COL8A1: variants seen among roughly 807,000 people sequenced by gnomAD.
The protein encoded by COL8A1 is collagen alpha-1(VIII) chain.
Under a neutral mutation model 42.7 loss-of-function variants are expected in COL8A1, and 21 were observed. That is an observed-to-expected ratio of 0.49 (90% confidence interval 0.35 to 0.71). COL8A1 has a LOEUF of 0.71. Ranked by LOEUF, COL8A1 falls within the 30% of genes least tolerant of loss-of-function variation. The pLI, the probability that COL8A1 is intolerant of heterozygous loss-of-function variation, is 0.01. For synonymous variants in COL8A1, 367 were observed against 369.1 expected, an observed-to-expected ratio of 0.99 and a Z score of 0.06; for missense variants, 788 against 962.4, an observed-to-expected ratio of 0.82 and a Z score of 2.40.
chr3:99,792,104 G>A (rs182397097), intron 3 of COL8A1, among the ~76,000 whole-genome samples: 264 of 152,232 alleles, frequency 1.7e-3, no homozygotes, highest in African/African-American at 6.1e-3. Flanking sequence ...TACACAATTC[G>A]CTGGTTAGAA....
intron 2 of COL8A1, among the ~76,000 whole-genome samples, chr3:99,765,554 G>A (rs941542864): frequency 1.3e-5 from 2 of 152,152 alleles, no homozygotes; most frequent in African/African-American, 4.8e-5. Context: ...AACATTTGCT[G>A]TACAAACCCT....
chr3:99,656,700 A>G (rs1270382347), intron 1 of COL8A1, among the ~76,000 whole-genome samples: 3 of 152,230 alleles, frequency 2.0e-5, no homozygotes, highest in Non-Finnish European at 4.4e-5. Context: ...AAAGAACACA[A>G]TAAAGAAACA....
At position 99,795,664 on chromosome 3, in the gene COL8A1, T is replaced by G; in HGVS notation, c.1763T>G (p.Met588Arg). The G allele has an allele frequency of 2.5e-6, 4 of 1,613,670 alleles. No individual in the cohort carries two copies. The highest frequency in any genetic ancestry group is 3.4e-6 in the Non-Finnish European group (4 of 1,179,902). Residue 588 changes from methionine to arginine, a missense_variant, in exon 4 of 4, where the codon ATG (methionine) becomes AGG (arginine). Met to Arg is a moderately conservative substitution (Grantham distance 91, BLOSUM62 -1). Around this residue, in one of 4 missense-constraint regions of COL8A1, gnomAD observed 212 missense variants for 210.9 expected, o/e 1.00. Coordinates refer to ENST00000652472, the MANE Select transcript of COL8A1 (RefSeq NM_020351.4). Reference protein sequence around the residue: ...PPPQGEYLPDMGLGIDGVKPP... With the variant: ...PPPQGEYLPDRGLGIDGVKPP... ...CCCCAGGGAGAGTATCTGCCAGATA[T>G]GGGGCTGGGAATTGATGGCGTGAAA...
At chr3:99,712,826 C>G (rs767288060) in intron 1 of COL8A1, among the ~76,000 whole-genome samples, 1 of 152,126 alleles carries the variant, frequency 6.6e-6, no homozygotes. Flanking sequence ...GGAAACCCCT[C>G]AGTTTCAGGC....
At chr3:99,647,116 A>G (rs1285243934) in intron 1 of COL8A1, among the ~76,000 whole-genome samples, 1 of 152,226 alleles carries the variant, frequency 6.6e-6, no homozygotes, top group Non-Finnish European at 1.5e-5. Flanking sequence ...GGCTTCACAG[A>G]AATTTTTATA....
intron 1 of COL8A1, among the ~76,000 whole-genome samples, chr3:99,697,140 CTA>C (rs1939400062): frequency 6.6e-6 from 1 of 151,206 alleles, no homozygotes; most frequent in East Asian, 1.9e-4. Context: ...GCGCCCGCCA[CTA>C]CGCCCGGCTA....
intron 1 of COL8A1, among the ~76,000 whole-genome samples, chr3:99,744,406 CA>C (rs900620033): frequency 2.0e-5 from 3 of 152,126 alleles, no homozygotes; most frequent in African/African-American, 7.2e-5. Flanking sequence ...TAAATTGTGC[CA>C]AAAACTCATA....
intron 2 of COL8A1, among the ~76,000 whole-genome samples, chr3:99,758,720 G>A (rs1035257919): frequency 1.3e-5 from 2 of 152,174 alleles, no homozygotes; most frequent in Non-Finnish European, 2.9e-5. Context: ...CAAGTCGTCT[G>A]TAAACCACAC....
intron 1 of COL8A1, among the ~76,000 whole-genome samples, chr3:99,729,494 C>G (rs916140504): frequency 1.3e-5 from 2 of 151,826 alleles, no homozygotes; most frequent in East Asian, 3.9e-4. Flanking sequence ...AAATTAAGGT[C>G]TCTCTAAACA....
At chr3:99,706,440 A>C (rs1576440413) in intron 1 of COL8A1, among the ~76,000 whole-genome samples, 1 of 152,346 alleles carries the variant, frequency 6.6e-6, no homozygotes, top group Admixed American at 6.5e-5. Flanking sequence ...CTGAAACAGA[A>C]GGTGCTAACC....
intron 2 of COL8A1, among the ~76,000 whole-genome samples, chr3:99,769,495 A>C (rs1357065700): frequency 1.3e-5 from 2 of 152,384 alleles, no homozygotes; most frequent in East Asian, 3.9e-4. Flanking sequence ...CTGGTGAGAC[A>C]GTGTCCTGTC....
chr3:99,663,112 A>T (rs571397165), intron 1 of COL8A1, among the ~76,000 whole-genome samples: 1 of 152,330 alleles, frequency 6.6e-6, no homozygotes, highest in African/African-American at 2.4e-5. Context: ...AACAGAGTCA[A>T]CACCTATTAT....
intron 1 of COL8A1, among the ~76,000 whole-genome samples, chr3:99,696,784 G>A (rs1023675273): frequency 1.3e-5 from 2 of 152,256 alleles, no homozygotes; most frequent in Non-Finnish European, 2.9e-5. Flanking sequence ...GGTTGTAACC[G>A]AAGTTTCAGA....
intron 1 of COL8A1, among the ~76,000 whole-genome samples, chr3:99,662,936 ATC>A (rs1938252950): frequency 6.6e-6 from 1 of 152,154 alleles, no homozygotes; most frequent in Non-Finnish European, 1.5e-5. Context: ...AAACAATGGT[ATC>A]TCTGATCCGG....
intron 1 of COL8A1, among the ~76,000 whole-genome samples, chr3:99,646,861 G>A (rs981107420): frequency 2.4e-4 from 36 of 152,140 alleles, no homozygotes; most frequent in African/African-American, 8.4e-4. Flanking sequence ...CCAGCCAAAG[G>A]GGAATTTCTC....
intron 1 of COL8A1, among the ~76,000 whole-genome samples, chr3:99,720,531 G>T (rs961285460): frequency 2.0e-5 from 3 of 151,980 alleles, no homozygotes; most frequent in Admixed American, 6.6e-5. Flanking sequence ...AATTCAAGGC[G>T]ATAACATTAT....
At position 99,701,305 on chromosome 3, in the gene COL8A1, A is replaced by G. The variant is rs1157419571; in HGVS notation, c.-128-43592A>G. Among the ~76,000 whole-genome samples, 3 of 152,316 alleles carry G rather than the reference A, an allele frequency of 2.0e-5. No individual in the cohort carries two copies. In the East Asian group the frequency reaches 5.8e-4, roughly 29 times the overall value. On this transcript the variant is annotated intron_variant, in intron 1 of 3. Coordinates refer to ENST00000652472, the MANE Select transcript of COL8A1 (RefSeq NM_020351.4). Reference sequence around the variant, plus strand: ...TCTGCTTGCAAATTTCATCCCATTTAAAACATGAAAGGAGAAAAATAATGG... The same window carrying G: ...TCTGCTTGCAAATTTCATCCCATTTGAAACATGAAAGGAGAAAAATAATGG...
At chr3:99,792,163 G>C (rs1253149867) in intron 3 of COL8A1, among the ~76,000 whole-genome samples, 1 of 152,174 alleles carries the variant, frequency 6.6e-6, no homozygotes, top group Admixed American at 6.5e-5. Context: ...TGTAAAGAAA[G>C]TATTCCTGAC....
At chr3:99,652,871 T>G (rs540022629) in intron 1 of COL8A1, among the ~76,000 whole-genome samples, 1 of 152,310 alleles carries the variant, frequency 6.6e-6, no homozygotes, top group South Asian at 2.1e-4. Flanking sequence ...TGTGTGTAAT[T>G]TATGCAGACA....
Sources: allele counts gnomAD v4.1 joint callset (sites outside exome capture counted in the v4.1 genomes callset), GRCh38; gene constraint gnomAD v4.1.1; regional missense constraint gnomAD v4.1.1; transcripts MANE v1.5; gene names NCBI Gene and HGNC (gene_info 2026-07-23, HGNC 2026-07-21).